Variants in SNTG1 observed in about 807,000 individuals in gnomAD.
SNTG1 encodes syntrophin gamma 1.
Under a neutral mutation model 74.7 loss-of-function variants are expected in SNTG1, and 39 were observed. That is an observed-to-expected ratio of 0.52 (90% CI 0.40 to 0.68). The LOEUF (loss-of-function observed/expected upper bound fraction) is 0.68. Among genes scored for constraint, SNTG1 ranks in the 30% least tolerant of loss-of-function variants. SNTG1 has a pLI of 0.00. For missense variants in SNTG1, 685 were observed against 609.5 expected, an observed-to-expected ratio of 1.12 and a Z score of -1.30; for synonymous variants, 254 against 217.1, an observed-to-expected ratio of 1.17 and a Z score of -1.49.
chr8:50,038,107 A>C (rs1818313778), intron 1 of SNTG1, among the ~76,000 whole-genome samples: 1 of 152,184 alleles, frequency 6.6e-6, no homozygotes, highest in Admixed American at 6.5e-5. Context: ...GAATGGCTCC[A>C]TCATTTTGTC....
intron 1 of SNTG1, among the ~76,000 whole-genome samples, chr8:50,086,958 G>C (rs1205298295): frequency 6.6e-6 from 1 of 152,156 alleles, no homozygotes; most frequent in African/African-American, 2.4e-5. Context: ...TCTTTTTGAA[G>C]ATCAGCATGT....
chr8:50,218,274 C>T (rs933882913), intron 2 of SNTG1, among the ~76,000 whole-genome samples: 10 of 152,072 alleles, frequency 6.6e-5, no homozygotes, highest in Admixed American at 5.9e-4. Flanking sequence ...CCTGAATGCA[C>T]GTTTAGCACT....
rs116175708 is a variant in SNTG1, at chr8:50,213,071, C to A, written c.-28+40436C>A. Among the ~76,000 whole-genome samples the A allele has an allele frequency of 4.8e-3, 725 of 152,320 alleles. 9 individuals are homozygous for A. The highest frequency in any genetic ancestry group is 0.016 in the African/African-American group (666 of 41,586). ...TGCTATGCATTCCCTTGAGTCTTTG[C>A]AGTGTTCACATATATCATCTTCCCT... is the stretch of plus-strand genomic sequence containing the variant. On this transcript the variant is annotated intron_variant, in intron 2 of 18. Transcript: ENST00000642720.
At chr8:50,327,856 G>A (rs1362595218) in intron 2 of SNTG1, among the ~76,000 whole-genome samples, 2 of 151,856 alleles carry the variant, frequency 1.3e-5, no homozygotes, top group Non-Finnish European at 2.9e-5. Flanking sequence ...AGTGGTTTTA[G>A]AGTTTGCAAT....
In SNTG1 at chr8:49,941,531, T is replaced by A. The variant is rs568441435; in HGVS notation, c.-103+29300T>A. 4.2e-4 allele frequency among the ~76,000 whole-genome samples: 62 copies of A among 146,966 alleles called. 1 individual carries two copies. In the South Asian group the frequency reaches 8.9e-3, roughly 21 times the overall value. On this transcript the variant is annotated intron_variant, in intron 1 of 18. Coordinates refer to ENST00000642720, the MANE Select transcript of SNTG1 (RefSeq NM_018967.5). Reference sequence around the variant, plus strand: ...ATATATTATATATTTACATTAACTTTTATATATATATATATATGCATATTT... The same window carrying A: ...ATATATTATATATTTACATTAACTTATATATATATATATATATGCATATTT...
At chr8:50,689,281 C>A (rs1462353328) in intron 15 of SNTG1, among the ~76,000 whole-genome samples, 1 of 152,126 alleles carries the variant, frequency 6.6e-6, no homozygotes, top group African/African-American at 2.4e-5. Context: ...GAACTTCCAA[C>A]ACTATGTTGA....
intron 8 of SNTG1, among the ~76,000 whole-genome samples, chr8:50,498,483 A>G (rs78407949): frequency 0.052 from 7,885 of 151,938 alleles, 323 homozygotes; most frequent in South Asian, 0.18. Context: ...AGTGTTCTGA[A>G]ACATATTCCA....
rs1465576380 is a variant in SNTG1 at position 50,792,786 on chromosome 8, C to G, written c.1511C>G (p.Ala504Gly). 1 of 1,612,380 alleles carries G rather than the reference C, an allele frequency of 6.2e-7. No homozygotes were observed. The highest frequency in any genetic ancestry group is 8.5e-7 in the Non-Finnish European group (1 of 1,178,850). Reference protein sequence around the residue: ...FLGNQATASTAASSATTSKAK... With the variant: ...FLGNQATASTGASSATTSKAK... The stretch of plus-strand genomic sequence containing the variant: ...GGCAATCAAGCTACTGCTTCTACTG[C>G]TGCCAGCTCTGCTACCACGAGCAAA... The change falls in exon 19 of 19, where the codon GCT becomes GGT. Residue 504 changes from alanine (A) to glycine (G), a missense_variant. Transcript: ENST00000642720.
intron 1 of SNTG1, among the ~76,000 whole-genome samples, chr8:49,931,476 T>C (rs1807584079): frequency 6.6e-6 from 1 of 152,166 alleles, no homozygotes; most frequent in Admixed American, 6.5e-5. Flanking sequence ...ATCTGGGTGA[T>C]GGGATCCGTA....
intron 1 of SNTG1, among the ~76,000 whole-genome samples, chr8:50,000,567 CTGACT>C (rs1280826932): frequency 6.6e-6 from 1 of 152,136 alleles, no homozygotes; most frequent in Non-Finnish European, 1.5e-5. Context: ...AGTGCATAAC[CTGACT>C]TAAGAAAAGC....
chr8:50,325,181 A>G (rs2090695799), intron 2 of SNTG1, among the ~76,000 whole-genome samples: 1 of 151,382 alleles, frequency 6.6e-6, no homozygotes, highest in South Asian at 2.1e-4. Flanking sequence ...ACTTTGTTCT[A>G]CAATATTGTA....
chr8:50,655,222 C>A, intron 13 of SNTG1, among the ~76,000 whole-genome samples: 1 of 152,090 alleles, frequency 6.6e-6, no homozygotes, highest in Admixed American at 6.6e-5. Flanking sequence ...CTATAATATC[C>A]TTTTCATTTT....
intron 8 of SNTG1, among the ~76,000 whole-genome samples, chr8:50,458,724 A>AT (rs1423099460): frequency 2.0e-5 from 3 of 151,622 alleles, no homozygotes; most frequent in African/African-American, 4.8e-5. Flanking sequence ...AGTATTGAAC[A>AT]TTTTTTCTTG....
intron 1 of SNTG1, among the ~76,000 whole-genome samples, chr8:50,099,052 C>G (rs1454407262): frequency 6.6e-6 from 1 of 151,984 alleles, no homozygotes; most frequent in Admixed American, 6.6e-5. Context: ...AAATTTAAAA[C>G]TATTTAAAAG....
chr8:49,987,856 G>A (rs4873401), intron 1 of SNTG1, among the ~76,000 whole-genome samples: 15,762 of 151,828 alleles, frequency 0.1, 1,211 homozygotes, highest in African/African-American at 0.2. Context: ...CACCGTGTTA[G>A]CCAGGATGGT....
intron 1 of SNTG1, among the ~76,000 whole-genome samples, chr8:50,113,530 C>G (rs1429428131): frequency 6.6e-6 from 1 of 152,146 alleles, no homozygotes; most frequent in African/African-American, 2.4e-5. Context: ...CATCTGCAAA[C>G]AGGGACAATT....
At chr8:50,530,318 C>T in intron 10 of SNTG1, 59 bp downstream of exon 10, 1 of 1,476,676 alleles carries the variant, frequency 6.8e-7, no homozygotes, top group Non-Finnish European at 9.4e-7. Flanking sequence ...CTTATAAAAA[C>T]TGCTAGTGAA....
chr8:50,764,102 G>A (rs1216562446), intron 18 of SNTG1, among the ~76,000 whole-genome samples: 3 of 151,658 alleles, frequency 2.0e-5, no homozygotes. Context: ...ATAACAGGGT[G>A]ACAAGAAAAT....
At chr8:50,233,208 G>T (rs530940858) in intron 2 of SNTG1, among the ~76,000 whole-genome samples, 1 of 151,720 alleles carries the variant, frequency 6.6e-6, no homozygotes, top group South Asian at 2.1e-4. Context: ...CAGAGGGATA[G>T]ATACATAGAT....
Sources: allele counts gnomAD v4.1 joint callset (sites outside exome capture counted in the v4.1 genomes callset), GRCh38; gene constraint gnomAD v4.1.1; transcripts MANE v1.5; gene names NCBI Gene and HGNC (gene_info 2026-07-23, HGNC 2026-07-21).